The following TBC1D5 variants were observed in gnomAD, a reference collection of about 807,000 sequenced individuals.
The protein encoded by TBC1D5 is TBC1 domain family member 5, also known as TBC1 domain family, member 5.
In TBC1D5, 75 loss-of-function variants were observed where a neutral mutation model predicts 100.3. That is an observed-to-expected ratio of 0.75 (90% CI 0.62 to 0.91). The LOEUF (loss-of-function observed/expected upper bound fraction) is 0.91, where lower values mean the gene tolerates loss of function less well. Among genes scored for constraint, TBC1D5 ranks in the 40% least tolerant of loss-of-function variants. The probability of loss-of-function intolerance (pLI) is 0.00; values close to 1 mark genes in which losing one functional copy is unlikely to be tolerated. For synonymous variants in TBC1D5, 323 were observed against 325.6 expected (o/e 0.99, Z 0.09); for missense variants, 910 against 942.4 (o/e 0.97, Z 0.45).
chr3:17,326,156 C>G (rs1271258499), intron 13 of TBC1D5, among the ~76,000 whole-genome samples: 2 of 152,060 alleles, frequency 1.3e-5, no homozygotes, highest in Non-Finnish European at 2.9e-5. Flanking sequence ...TAGAATCCAG[C>G]ATAAAATTTG....
At chr3:17,519,979 C>T (rs1046675993) in intron 2 of TBC1D5, among the ~76,000 whole-genome samples, 12 of 152,146 alleles carry the variant, frequency 7.9e-5, no homozygotes, top group Admixed American at 3.9e-4. Flanking sequence ...ATATTATATA[C>T]TACTTGGTGA....
chr3:17,369,104 C>A (rs1204685630), intron 13 of TBC1D5, among the ~76,000 whole-genome samples: 1 of 152,052 alleles, frequency 6.6e-6, no homozygotes, highest in Non-Finnish European at 1.5e-5. Context: ...AATTATTCTG[C>A]CAAACTATAT....
rs546425629 is a variant in TBC1D5 at position 17,596,548 on chromosome 3, G to A, written c.-36+27301C>T. On this transcript the variant is annotated intron_variant, in intron 2 of 21. Coordinates refer to ENST00000253692, the Ensembl canonical transcript of TBC1D5. ...TTGGCTAGGCTGGTCTTGAACTCCT[G>A]ACCTCGTGATCCGCCCACCTTGGCC... Among the ~76,000 whole-genome samples the A allele has an allele frequency of 4.0e-5, 6 of 151,318 alleles. No individual in the cohort carries two copies. The East Asian group carries it at 1.2e-3, about 29-fold the overall frequency.
At chr3:17,466,878 T>C (rs1344706980) in intron 3 of TBC1D5, among the ~76,000 whole-genome samples, 1 of 152,116 alleles carries the variant, frequency 6.6e-6, no homozygotes, top group Admixed American at 6.5e-5. Context: ...GATTGGAAAC[T>C]TTATCACAAT....
intron 3 of TBC1D5, among the ~76,000 whole-genome samples, chr3:17,466,798 T>C (rs1331012100): frequency 6.6e-6 from 1 of 152,110 alleles, no homozygotes; most frequent in Non-Finnish European, 1.5e-5. Context: ...CTTTAGATTG[T>C]TTTATTTTTA....
intron 3 of TBC1D5, among the ~76,000 whole-genome samples, chr3:17,474,321 T>C (rs1205240463): frequency 6.6e-6 from 1 of 152,172 alleles, no homozygotes; most frequent in Non-Finnish European, 1.5e-5. Flanking sequence ...ACGAGCTTCA[T>C]CATAAGCTGA....
At chr3:17,422,156 T>G (rs965488397) in intron 4 of TBC1D5, among the ~76,000 whole-genome samples, 3 of 152,080 alleles carry the variant, frequency 2.0e-5, no homozygotes, top group Admixed American at 6.6e-5. Context: ...TTTTTGTTTT[T>G]TGGTTTTTGG....
At chr3:17,725,525 TTTC>T (rs1336804710) in intron 1 of TBC1D5, among the ~76,000 whole-genome samples, 2 of 152,086 alleles carry the variant, frequency 1.3e-5, no homozygotes, top group Non-Finnish European at 2.9e-5. Flanking sequence ...AGGGAAGGAA[TTTC>T]TTATTAGACT....
intron 3 of TBC1D5, among the ~76,000 whole-genome samples, chr3:17,434,702 G>A (rs904068293): frequency 2.6e-5 from 4 of 152,164 alleles, no homozygotes; most frequent in East Asian, 1.9e-4. Context: ...AGGGGCTGTG[G>A]TGAAGGTCTC....
At chr3:17,597,407 C>T (rs1398890447) in intron 2 of TBC1D5, among the ~76,000 whole-genome samples, 1 of 152,160 alleles carries the variant, frequency 6.6e-6, no homozygotes, top group Non-Finnish European at 1.5e-5. Context: ...TGCCCAAGAT[C>T]TTATAACTAA....
chr3:17,653,582 A>T (rs1445530971), intron 1 of TBC1D5, among the ~76,000 whole-genome samples: 3 of 152,154 alleles, frequency 2.0e-5, no homozygotes, highest in African/African-American at 7.2e-5. Flanking sequence ...AGGGTAGACT[A>T]AGGAGACATA....
At chr3:17,741,488 T>G (rs564326493), upstream of TBC1D5, among the ~76,000 whole-genome samples, 5 of 152,358 alleles carry the variant, frequency 3.3e-5, no homozygotes, top group Non-Finnish European at 7.3e-5. Flanking sequence ...ACAACACTTA[T>G]AAAGGTTTAC....
intron 13 of TBC1D5, among the ~76,000 whole-genome samples, chr3:17,315,142 T>C (rs1559614704): frequency 6.6e-6 from 1 of 152,208 alleles, no homozygotes; most frequent in Admixed American, 6.5e-5. Context: ...TACTCTTGAG[T>C]GTGTATCTTC....
intron 3 of TBC1D5, among the ~76,000 whole-genome samples, chr3:17,493,330 C>T (rs1576342613): frequency 1.3e-5 from 2 of 151,822 alleles, no homozygotes; most frequent in Non-Finnish European, 2.9e-5. Flanking sequence ...ATGGGTTTCC[C>T]TTTGTAGGTG....
intron 17 of TBC1D5, among the ~76,000 whole-genome samples, chr3:17,221,410 T>G (rs2074270527): frequency 6.6e-6 from 1 of 152,130 alleles, no homozygotes; most frequent in African/African-American, 2.4e-5. Flanking sequence ...GCATTAGATA[T>G]ATCTCCTAAT....
intron 1 of TBC1D5, among the ~76,000 whole-genome samples, chr3:17,663,748 C>G (rs1037945270): frequency 6.6e-6 from 1 of 152,062 alleles, no homozygotes. Flanking sequence ...AGTAGTTTGA[C>G]TGTAGTAGTA....
At chr3:17,703,271 A>C (rs2073465463) in intron 1 of TBC1D5, among the ~76,000 whole-genome samples, 1 of 151,966 alleles carries the variant, frequency 6.6e-6, no homozygotes, top group African/African-American at 2.4e-5. Flanking sequence ...AGCTGCTTCA[A>C]GTCTTTTCTG....
intron 1 of TBC1D5, among the ~76,000 whole-genome samples, chr3:17,738,705 A>T (rs1291610493): frequency 6.6e-6 from 1 of 152,142 alleles, no homozygotes; most frequent in East Asian, 1.9e-4. Flanking sequence ...CCCACAACAC[A>T]GCATCAGGGT....
chr3:17,561,836 C>T (rs1390937944), intron 2 of TBC1D5, among the ~76,000 whole-genome samples: 2 of 152,088 alleles, frequency 1.3e-5, no homozygotes, highest in African/African-American at 4.8e-5. Flanking sequence ...AACGATCTCA[C>T]AAAACATCAC....
Sources: gnomAD v4.1 joint callset for allele counts (sites outside exome capture counted in the v4.1 genomes callset) on GRCh38, gnomAD v4.1.1 for gene constraint, MANE v1.5 for transcripts, NCBI Gene and HGNC (gene_info 2026-07-23, HGNC 2026-07-21) for gene names.